AGO2: variants seen among roughly 807,000 people sequenced by gnomAD.
AGO2 encodes argonaute RISC catalytic component 2.
A neutral mutation model predicts 102.3 loss-of-function variants in AGO2; 5 were observed. The ratio of observed to expected loss-of-function variants is 0.05; its 90% CI spans 0.03 to 0.10. The LOEUF (loss-of-function observed/expected upper bound fraction) is 0.10. Ranked by LOEUF, AGO2 falls within the 10% of genes least tolerant of loss-of-function variation. The probability of loss-of-function intolerance (pLI) is 1.00; values close to 1 mark genes in which losing one functional copy is unlikely to be tolerated. For synonymous variants in AGO2, 449 were observed against 473.1 expected, an observed-to-expected ratio of 0.95 and a Z score of 0.66; for missense variants, 541 against 1,183.7, an observed-to-expected ratio of 0.46 and a Z score of 7.97.
At chr8:140,552,255 G>A (rs949854196) in intron 10 of AGO2, among the ~76,000 whole-genome samples, 2 of 152,208 alleles carry the variant, frequency 1.3e-5, no homozygotes, top group South Asian at 2.1e-4. Context: ...TGTCGGAAAC[G>A]GGAGCTACTT....
chr8:140,534,650 T>C (rs1195644024), intron 17 of AGO2, among the ~76,000 whole-genome samples: 3 of 152,198 alleles, frequency 2.0e-5, no homozygotes, highest in Admixed American at 6.5e-5. Flanking sequence ...ATATTTCCAA[T>C]GGAATATTAA....
At chr8:140,566,624 G>T (rs527388753) in intron 3 of AGO2, among the ~76,000 whole-genome samples, 1 of 151,024 alleles carries the variant, frequency 6.6e-6, no homozygotes, top group African/African-American at 2.4e-5. Flanking sequence ...TTTTTGGGGG[G>T]GGGGAAGGTG....
intron 12 of AGO2, 34 bp from the exon 13 acceptor site, chr8:140,547,661 G>A (rs141163515): frequency 0.015 from 24,021 of 1,585,006 alleles, 223 homozygotes; most frequent in Non-Finnish European, 0.018. Flanking sequence ...CAGCTCTGCC[G>A]GCGCCCCTTC....
chr8:140,624,689 C>T (rs2074254035), intron 1 of AGO2, among the ~76,000 whole-genome samples: 1 of 152,244 alleles, frequency 6.6e-6, no homozygotes, highest in Non-Finnish European at 1.5e-5. Flanking sequence ...CGTGTGCTCC[C>T]CGGCTGGGAG....
chr8:140,542,156 A>T (rs189714597), intron 14 of AGO2, among the ~76,000 whole-genome samples: 17 of 152,308 alleles, frequency 1.1e-4, no homozygotes, highest in Admixed American at 1.1e-3. Flanking sequence ...GTCGGGGGCC[A>T]AGGGAGCGTG....
At chr8:140,603,407 T>TC (rs2073956872) in intron 1 of AGO2, among the ~76,000 whole-genome samples, 1 of 152,236 alleles carries the variant, frequency 6.6e-6, no homozygotes, top group African/African-American at 2.4e-5. Flanking sequence ...GTAGCCATTT[T>TC]CCAGTGCACA....
rs188968961 is a variant in AGO2 at position 140,588,788 on chromosome 8, G to A, written c.23-3477C>T. ...TGGCTCCCCGGGGCCCAGGGCTGGC[G>A]GGCCCTCTGCACTTAAGGCCATACC... is the stretch of plus-strand genomic sequence containing the variant. On this transcript the variant is annotated intron_variant, in intron 1 of 18. Coordinates refer to ENST00000220592, the MANE Select transcript of AGO2 (RefSeq NM_012154.5). 5.9e-5 allele frequency among the ~76,000 whole-genome samples: 9 copies of A among 152,114 alleles called. No homozygotes were observed. The East Asian group carries it at 1.2e-3, about 20-fold the overall frequency.
chr8:140,570,500 G>A (rs184263870), intron 3 of AGO2, among the ~76,000 whole-genome samples: 248 of 152,280 alleles, frequency 1.6e-3, no homozygotes, highest in Non-Finnish European at 3.1e-3. Context: ...AAATTGCTGG[G>A]ATTACAGGCA....
intron 1 of AGO2, among the ~76,000 whole-genome samples, chr8:140,595,631 A>T (rs1440412181): frequency 7.4e-6 from 1 of 134,266 alleles, no homozygotes; most frequent in African/African-American, 2.8e-5. Context: ...TATATATATT[A>T]TATATATATT....
At position 140,539,274 on chromosome 8, in the gene AGO2, T is replaced by G; in HGVS notation, c.2169+46A>C. On this transcript the variant is annotated intron_variant, in intron 16 of 18. Coordinates refer to ENST00000220592, the MANE Select transcript of AGO2 (RefSeq NM_012154.5). The surrounding 1 kb of genome is among the most constrained non-coding windows in gnomAD (Gnocchi z 4.7). Reference sequence around the variant, plus strand: ...TGTGAGTGTGCTCGGGGTGTGGGGCTGAGGGGAGAACCGTGCCCCCTGCCT... The same window carrying G: ...TGTGAGTGTGCTCGGGGTGTGGGGCGGAGGGGAGAACCGTGCCCCCTGCCT... The G allele has an allele frequency of 6.4e-7, 1 of 1,563,348 alleles. No homozygotes were observed. Among genetic ancestry groups the G allele is most frequent in the South Asian group, 1.2e-5 (1 of 82,922 alleles).
intron 14 of AGO2, among the ~76,000 whole-genome samples, chr8:140,541,784 T>C (rs1715040434): frequency 1.3e-5 from 2 of 151,954 alleles, no homozygotes; most frequent in South Asian, 4.2e-4. Flanking sequence ...GTGCCTGTAA[T>C]CCTAGCTACT....
In AGO2 at chr8:140,527,121, C is replaced by A. The variant is rs943341831; in HGVS notation, c.*4923G>T. On this transcript the variant is annotated 3_prime_UTR_variant, in exon 19 of 19. Transcript: ENST00000220592. This position sits in a 1 kb window ranked among gnomAD's most constrained non-coding sequence, Gnocchi z 6.0. ...CGACGAGGAATCAAACAGACCACAA[C>A]AGTGTTCACAAGACTGCAACGAGTC... 2 of 152,252 alleles carry A rather than the reference C, an allele frequency of 1.3e-5. No individual in the cohort carries two copies. The highest frequency in any genetic ancestry group is 2.9e-5 in the Non-Finnish European group (2 of 68,058). The allele number at this position is 152,252 out of a possible 1,614,324, so 9.4% of individuals were successfully genotyped here. A position where few individuals can be genotyped will look rare whatever the true frequency, so the allele number is the denominator to read the frequency against.
intron 12 of AGO2, among the ~76,000 whole-genome samples, chr8:140,548,166 A>C (rs1309485839): frequency 6.6e-6 from 1 of 152,142 alleles, no homozygotes; most frequent in African/African-American, 2.4e-5. Context: ...TAATATAAAA[A>C]TTAGCCGGGC....
intron 1 of AGO2, chr8:140,606,004 A>G (rs1276651345): frequency 2.6e-5 from 4 of 152,254 alleles, no homozygotes; most frequent in African/African-American, 7.2e-5. Context: ...TATACTCAAC[A>G]TGACCAGTGC....
chr8:140,577,932 C>T (rs545069992), intron 2 of AGO2, among the ~76,000 whole-genome samples: 14 of 152,340 alleles, frequency 9.2e-5, no homozygotes, highest in African/African-American at 7.2e-5. Flanking sequence ...GCACGGCGTG[C>T]GGCTTGGGCT....
chr8:140,636,238 C>T (rs1353791674), upstream of AGO2: 1 of 152,266 alleles, frequency 6.6e-6, no homozygotes, highest in Non-Finnish European at 1.5e-5. Flanking sequence ...GGCGCGGCCC[C>T]AGAACCCAGA....
chr8:140,552,740 G>GCACGCACA (rs2073023121), intron 10 of AGO2, among the ~76,000 whole-genome samples: 6 of 130,886 alleles, frequency 4.6e-5, no homozygotes, highest in African/African-American at 1.8e-4. Flanking sequence ...GCGCGCGCGC[G>GCACGCACA]CACACACACA....
intron 1 of AGO2, among the ~76,000 whole-genome samples, chr8:140,625,232 G>A (rs1370115552): frequency 2.0e-5 from 3 of 152,138 alleles, no homozygotes; most frequent in African/African-American, 4.8e-5. Flanking sequence ...CCACCTCCTG[G>A]GTAGCTGGAA....
chr8:140,534,171 CA>C (rs958485131), intron 17 of AGO2, among the ~76,000 whole-genome samples: 4 of 152,218 alleles, frequency 2.6e-5, no homozygotes, highest in African/African-American at 9.6e-5. Context: ...GTGGCTGTCA[CA>C]GGGGCCCAGG....
Sources: allele counts gnomAD v4.1 joint callset (sites outside exome capture counted in the v4.1 genomes callset), GRCh38; gene constraint gnomAD v4.1.1; non-coding constraint Gnocchi (gnomAD v3.1); transcripts MANE v1.5; gene names NCBI Gene and HGNC (gene_info 2026-07-23, HGNC 2026-07-21).